Variants in GNAS-AS1 observed in about 807,000 individuals in gnomAD.
GNAS-AS1 encodes GNAS antisense RNA 1, also known as GNAS antisense RNA 1 (non-protein coding).
intron 4 of GNAS-AS1, among the ~76,000 whole-genome samples, chr20:58,827,382 C>T (rs1380296163): frequency 6.6e-6 from 1 of 152,162 alleles, no homozygotes; most frequent in Non-Finnish European, 1.5e-5. Flanking sequence ...AATACTCAGG[C>T]CCTGCTGGTG....
chr20:58,845,015 C>T (rs997998145), intron 2 of GNAS-AS1, among the ~76,000 whole-genome samples: 1 of 142,716 alleles, frequency 7.0e-6, no homozygotes, highest in Non-Finnish European at 1.5e-5. Context: ...TCCTGAGAGT[C>T]GTATTTAGTG....
intron 4 of GNAS-AS1, among the ~76,000 whole-genome samples, chr20:58,828,920 G>A (rs1249765273): frequency 7.4e-6 from 1 of 135,092 alleles, no homozygotes; most frequent in Non-Finnish European, 1.6e-5. Context: ...AGAGCTCCTG[G>A]CCCCACCGCC....
rs772464689 is a variant in GNAS-AS1 at position 58,840,253 on chromosome 20, C to T, written n.819+1684G>A. 5 of 1,611,362 alleles carry T rather than the reference C, an allele frequency of 3.1e-6. No homozygotes were observed. Among genetic ancestry groups the T allele is most frequent in the Non-Finnish European group, 3.4e-6 (4 of 1,179,826 alleles). ...TCCTCCGCGCCCTTGCCACCTCCAA[C>T]GCCCGTGCCCAGCAGCGCGCGGCTG... On this transcript the variant is annotated intron_variant and non_coding_transcript_variant, in intron 4 of 4. Coordinates refer to ENST00000424094, the Ensembl canonical transcript of GNAS-AS1. The surrounding 1 kb of genome is among the most constrained non-coding windows in gnomAD (Gnocchi z 6.0).
At chr20:58,835,095 C>A (rs920439821) in intron 4 of GNAS-AS1, among the ~76,000 whole-genome samples, 1 of 150,514 alleles carries the variant, frequency 6.6e-6, no homozygotes, top group Non-Finnish European at 1.5e-5. Flanking sequence ...GGGGAACAGG[C>A]GGGAGGGGCC....
chr20:58,836,097 G>C (rs1463939357), intron 4 of GNAS-AS1: 1 of 152,178 alleles, frequency 6.6e-6, no homozygotes, highest in Non-Finnish European at 1.5e-5. Flanking sequence ...TCCATCAGTA[G>C]AGCCCCCAAA....
At chr20:58,838,427 T>C (rs1043233402) in intron 4 of GNAS-AS1, among the ~76,000 whole-genome samples, 6 of 152,230 alleles carry the variant, frequency 3.9e-5, no homozygotes, top group African/African-American at 1.4e-4. Flanking sequence ...GAATTCAAGC[T>C]AGATTAAACA....
chr20:58,822,122 G>A (rs2085491191), intron 4 of GNAS-AS1, among the ~76,000 whole-genome samples: 1 of 152,194 alleles, frequency 6.6e-6, no homozygotes, highest in South Asian at 2.1e-4. Context: ...AGCCATGATG[G>A]CTCCCCAGAC....
intron 2 of GNAS-AS1, among the ~76,000 whole-genome samples, chr20:58,846,211 G>C (rs776939214): frequency 6.6e-6 from 1 of 152,128 alleles, no homozygotes; most frequent in Non-Finnish European, 1.5e-5. Context: ...GAAATTTGGC[G>C]GTTATAAAGA....
intron 4 of GNAS-AS1, among the ~76,000 whole-genome samples, chr20:58,825,640 C>G (rs1052534566): frequency 6.6e-6 from 1 of 152,038 alleles, no homozygotes. Flanking sequence ...GAAGGTGGTG[C>G]GAAAATAATT....
intron 4 of GNAS-AS1, among the ~76,000 whole-genome samples, chr20:58,823,813 C>T (rs1011761937): frequency 5.9e-5 from 9 of 152,208 alleles, no homozygotes; most frequent in Non-Finnish European, 1.2e-4. Flanking sequence ...GATGAGTGGT[C>T]GCTTTAGAGC....
chr20:58,849,225 C>A (rs1304895007), intron 1 of GNAS-AS1, among the ~76,000 whole-genome samples: 1 of 152,090 alleles, frequency 6.6e-6, no homozygotes, highest in Non-Finnish European at 1.5e-5. Flanking sequence ...CAAAGAATTG[C>A]CTGGCCCCAA....
rs773930351 is a variant in GNAS-AS1 at position 58,840,685 on chromosome 20, G to A, written n.819+1252C>T. On this transcript the variant is annotated intron_variant and non_coding_transcript_variant, in intron 4 of 4. Coordinates refer to ENST00000424094, the Ensembl canonical transcript of GNAS-AS1. This position sits in a 1 kb window ranked among gnomAD's most constrained non-coding sequence, Gnocchi z 6.0. The stretch of plus-strand genomic sequence containing the variant: ...CCCAGAGCCCCAGGGAAGGGGAGGA[G>A]CTCAAGCCCGAGGACAAAGATCCAA... 9.3e-6 allele frequency: 15 copies of A among 1,604,330 alleles called. No individual in the cohort carries two copies. In the South Asian group the frequency reaches 1.5e-4, roughly 16 times the overall value.
At chr20:58,834,459 G>C (rs892180374) in intron 4 of GNAS-AS1, 7 of 150,190 alleles carry the variant, frequency 4.7e-5, no homozygotes, top group Admixed American at 4.0e-4. Context: ...CGGCTGGGCA[G>C]ACAGCCGGAA....
At chr20:58,819,042 C>T (rs778004353) in exon 5 of GNAS-AS1, 10 of 398,532 alleles carry the variant, frequency 2.5e-5, no homozygotes, top group African/African-American at 1.2e-4. Flanking sequence ...CAGTTCCCAG[C>T]GGACGTCAGA....
rs555111611 is a variant in GNAS-AS1, at chr20:58,846,307, C to T, written n.413+2572G>A. On this transcript the variant is annotated intron_variant and non_coding_transcript_variant, in intron 2 of 4. Coordinates refer to ENST00000424094, the Ensembl canonical transcript of GNAS-AS1. The stretch of plus-strand genomic sequence containing the variant: ...ATCTGGTGGCTAAGGGGGTTAGAAC[C>T]AGGTGCATCAAGGGACAGACTTCAG... 2.0e-5 allele frequency among the ~76,000 whole-genome samples: 3 copies of T among 152,176 alleles called. No homozygotes were observed. The South Asian group carries it at 6.2e-4, about 32-fold the overall frequency.
Position 58,841,689 on chromosome 20 carries a change from A to T in GNAS-AS1, n.819+248T>A, listed in dbSNP as rs558238772. On this transcript the variant is annotated intron_variant and non_coding_transcript_variant, in intron 4 of 4. Transcript: ENST00000424094. This position sits in a 1 kb window ranked among gnomAD's most constrained non-coding sequence, Gnocchi z 5.0. ...TACCTGGGGGAAAGGTAGAGGAGGT[A>T]AGGGGACCCTTGGGGATGCCCCTAC... The T allele has an allele frequency of 1.2e-4, 146 of 1,192,668 alleles. 1 individual carries two copies. The South Asian group carries it at 5.8e-3, about 47-fold the overall frequency. 73.9% of individuals were successfully genotyped at this position (1,192,668 alleles called of 1,614,324 possible).
chr20:58,840,488 G>A lies in GNAS-AS1; in HGVS notation n.819+1449C>T, dbSNP rs201893644. The A allele has an allele frequency of 1.2e-5, 20 of 1,613,308 alleles. No homozygotes were observed. The East Asian group carries it at 1.8e-4, about 14-fold the overall frequency. ...CGAGTCCGAGACCGACTTCGAGACC[G>A]AGCCTGAGACCGCCCCCACCACTGA... On this transcript the variant is annotated intron_variant and non_coding_transcript_variant, in intron 4 of 4. Transcript: ENST00000424094. The surrounding 1 kb of genome is among the most constrained non-coding windows in gnomAD (Gnocchi z 6.0).
At chr20:58,830,994 T>C (rs1456403116) in intron 4 of GNAS-AS1, among the ~76,000 whole-genome samples, 1 of 152,168 alleles carries the variant, frequency 6.6e-6, no homozygotes, top group African/African-American at 2.4e-5. Context: ...TTCTCTCTCC[T>C]ACACACTTTC....
At chr20:58,839,779 C>T (rs2085652298) in intron 4 of GNAS-AS1, 5 of 569,510 alleles carry the variant, frequency 8.8e-6, no homozygotes, top group Non-Finnish European at 1.5e-5. Context: ...GGCAAGAGGA[C>T]CGGCGGAGGC....
Sources: gnomAD v4.1 joint callset for allele counts (sites outside exome capture counted in the v4.1 genomes callset) on GRCh38, gnomAD v4.1.1 for gene constraint, Gnocchi (gnomAD v3.1) non-coding constraint, MANE v1.5 for transcripts, NCBI Gene and HGNC (gene_info 2026-07-23, HGNC 2026-07-21) for gene names.